Variants in NDUFAF5 observed in about 807,000 individuals in gnomAD.
NDUFAF5 encodes the protein NADH:ubiquinone oxidoreductase complex assembly factor 5.
NDUFAF5 carries 34 observed loss-of-function variants against 48.9 expected under a neutral mutation model. The ratio of observed to expected loss-of-function variants is 0.70; its 90% CI spans 0.53 to 0.93. The LOEUF (loss-of-function observed/expected upper bound fraction) is 0.93, where lower values mean the gene tolerates loss of function less well. Among genes scored for constraint, NDUFAF5 ranks in the 40% least tolerant of loss-of-function variants. The pLI is 0.00. For missense variants in NDUFAF5, 428 were observed against 427.5 expected (o/e 1.00, Z -0.01); for synonymous variants, 153 against 150.6 (o/e 1.02, Z -0.12).
At chr20:13,793,020 ATG>A in intron 3 of NDUFAF5, 158 bp from the exon 4 acceptor site, 1 of 728,920 alleles carries the variant, frequency 1.4e-6, no homozygotes, top group South Asian at 1.6e-5. Flanking sequence ...AGCAAAGGAT[ATG>A]TGTTATTAAA....
intron 5 of NDUFAF5, among the ~76,000 whole-genome samples, chr20:13,795,363 G>A (rs1983026733): frequency 6.6e-6 from 1 of 151,892 alleles, no homozygotes; most frequent in Non-Finnish European, 1.5e-5. Flanking sequence ...AGCAAGTTGG[G>A]GGAAAAAAAA....
In NDUFAF5 at chr20:13,817,274, AATT is replaced by A; in HGVS notation, c.*70_*72del. The stretch of plus-strand genomic sequence containing the variant: ...AGAAATGGATAGCTTTAACATCTAA[AATT>A]ATTATATTTTGAAGCAAGAAGCACT... On this transcript the variant is annotated 3_prime_UTR_variant, in exon 11 of 11. Coordinates refer to ENST00000378106, the MANE Select transcript of NDUFAF5 (RefSeq NM_024120.5). 8.1e-7 allele frequency: 1 copy of A among 1,234,378 alleles called. No homozygotes were observed. The highest frequency in any genetic ancestry group is 1.2e-6 in the Non-Finnish European group (1 of 833,818). The allele number at this position is 1,234,378 out of a possible 1,614,324, so 76.5% of individuals were successfully genotyped here.
chr20:13,811,497 T>G (rs915725228), intron 8 of NDUFAF5, among the ~76,000 whole-genome samples: 1 of 152,034 alleles, frequency 6.6e-6, no homozygotes, highest in Non-Finnish European at 1.5e-5. Flanking sequence ...CTGAGCCAAG[T>G]GCCAAACCTT....
chr20:13,812,772 T>A (rs529227241), intron 8 of NDUFAF5, among the ~76,000 whole-genome samples: 1 of 152,232 alleles, frequency 6.6e-6, no homozygotes, highest in Non-Finnish European at 1.5e-5. Context: ...ATATTTGATA[T>A]GTATGTGATT....
Position 13,817,508 on chromosome 20 carries a change from C to T in NDUFAF5, c.*298C>T. On this transcript the variant is annotated 3_prime_UTR_variant, in exon 11 of 11. Coordinates refer to ENST00000378106, the MANE Select transcript of NDUFAF5 (RefSeq NM_024120.5). The stretch of plus-strand genomic sequence containing the variant: ...TGTAAATGCCTTGGAAAATATTACT[C>T]ATGCTGACCTTTTACACCTTTTTCA... The T allele has an allele frequency of 1.9e-6, 1 of 514,540 alleles. No homozygotes were observed. Among genetic ancestry groups the T allele is most frequent in the South Asian group, 1.5e-5 (1 of 65,054 alleles). 31.9% of individuals were successfully genotyped at this position (514,540 alleles called of 1,614,324 possible).
At chr20:13,813,640 A>G (rs1386381079) in intron 8 of NDUFAF5, among the ~76,000 whole-genome samples, 1 of 152,220 alleles carries the variant, frequency 6.6e-6, no homozygotes, top group African/African-American at 2.4e-5. Flanking sequence ...ACAAGGAGAA[A>G]CACAGGAGGA....
intron 3 of NDUFAF5, among the ~76,000 whole-genome samples, chr20:13,791,455 A>G (rs987989393): frequency 6.6e-6 from 1 of 152,240 alleles, no homozygotes; most frequent in Admixed American, 6.5e-5. Context: ...TTCAGAAGTG[A>G]CAATTGAAGC....
At chr20:13,800,797 C>T (rs1437043497) in intron 6 of NDUFAF5, among the ~76,000 whole-genome samples, 1 of 152,114 alleles carries the variant, frequency 6.6e-6, no homozygotes, top group African/African-American at 2.4e-5. Context: ...TGGCTTGGCT[C>T]ATCTGTGTGT....
intron 3 of NDUFAF5, among the ~76,000 whole-genome samples, chr20:13,789,429 C>T (rs4814259): frequency 0.97 from 148,290 of 152,196 alleles, 72,348 homozygotes; most frequent in East Asian, 1. Flanking sequence ...CATCCCAAAG[C>T]GCTGGGATGA....
intron 8 of NDUFAF5, among the ~76,000 whole-genome samples, chr20:13,809,186 A>G (rs1985504854): frequency 6.6e-6 from 1 of 152,236 alleles, no homozygotes. Flanking sequence ...GGCTGTTTGT[A>G]AAAAGATGGC....
rs77013371 is a variant in NDUFAF5, at chr20:13,789,514, T to C, written c.327+862T>C. On this transcript the variant is annotated intron_variant, in intron 3 of 10. Transcript: ENST00000378106. ...TTTTTGAGACAGAGTCTCGCTCTGTTGCCCAGGCTGGAGTGCAGTGGTGCA... is the reference window on the plus strand; with the variant it reads ...TTTTTGAGACAGAGTCTCGCTCTGTCGCCCAGGCTGGAGTGCAGTGGTGCA... Among the ~76,000 whole-genome samples the C allele has an allele frequency of 5.7e-4, 86 of 151,266 alleles. 1 individual carries two copies. Among genetic ancestry groups the C allele is most frequent in the South Asian group, 1.0e-3 (5 of 4,764 alleles).
In NDUFAF5 at chr20:13,818,485, A is replaced by G. The variant is rs1986755956; in HGVS notation, c.*1275A>G. The G allele has an allele frequency of 2.9e-6, 1 of 341,162 alleles. No homozygotes were observed. Among genetic ancestry groups the G allele is most frequent in the African/African-American group, 2.2e-5 (1 of 45,440 alleles). 21.1% of individuals were successfully genotyped at this position (341,162 alleles called of 1,614,324 possible). ...CTTAATTTTCAGAACTTGAAGAGAG[A>G]GAACAACAACAAAAAACAAACTGCG... On this transcript the variant is annotated 3_prime_UTR_variant, in exon 11 of 11. Coordinates refer to ENST00000378106, the MANE Select transcript of NDUFAF5 (RefSeq NM_024120.5).
intron 8 of NDUFAF5, among the ~76,000 whole-genome samples, chr20:13,812,391 C>A (rs187313058): frequency 6.6e-6 from 1 of 152,298 alleles, no homozygotes; most frequent in Non-Finnish European, 1.5e-5. Flanking sequence ...CTGATGTAAT[C>A]AAGGAGCCAC....
intron 7 of NDUFAF5, among the ~76,000 whole-genome samples, chr20:13,802,785 CT>C: frequency 6.6e-6 from 1 of 151,958 alleles, no homozygotes; most frequent in Non-Finnish European, 1.5e-5. Context: ...CTGCCTTCCT[CT>C]TTCCCCATCA....
Position 13,798,467 on chromosome 20 carries a change from T to C in NDUFAF5, c.486T>C (p.His162=), listed in dbSNP as rs2273317. The change falls in exon 6 of 11, where the codon CAT becomes CAC. Residue 162 remains histidine (H), a synonymous_variant. Coordinates refer to ENST00000378106, the MANE Select transcript of NDUFAF5 (RefSeq NM_024120.5). The stretch of plus-strand genomic sequence containing the variant: ...CTGTATTCTCATATTTTAGTTTGCA[T>C]TGGGTGAATGACCTTCCTAGAGCAC... ...FDLVVSSLSL[H]WVNDLPRALE... is the part of the protein sequence containing the mutation. 8.9e-3 allele frequency: 14,254 copies of C among 1,610,520 alleles called. 893 individuals carry two copies. In the East Asian group the frequency reaches 0.17, roughly 19 times the overall value.
Position 13,801,487 on chromosome 20 carries a change from T to G in NDUFAF5, c.521T>G (p.Ile174Ser). The G allele has an allele frequency of 6.3e-7, 1 of 1,598,146 alleles. No homozygotes were observed. Among genetic ancestry groups the G allele is most frequent in the Non-Finnish European group, 8.6e-7 (1 of 1,168,170 alleles). Residue 174 changes from isoleucine (I) to serine (S), a missense_variant and splice_region_variant, in exon 7 of 11, where the codon ATT (isoleucine) becomes AGT (serine). Coordinates refer to ENST00000378106, the MANE Select transcript of NDUFAF5 (RefSeq NM_024120.5). The stretch of plus-strand genomic sequence containing the variant: ...TTTGTTTTCTTGTATTTATTACAGA[T>G]TCATTATATTTTAAAACCAGATGGA... ...VNDLPRALEQ[I>S]HYILKPDGVF... is the part of the protein sequence containing the mutation.
At chr20:13,785,333 A>C (rs766896259) in intron 1 of NDUFAF5, 43 bp downstream of exon 1, 743 of 1,291,652 alleles carry the variant, frequency 5.8e-4, no homozygotes, top group Non-Finnish European at 7.3e-4. Context: ...GGCGACGCGG[A>C]GGCTTGTTTT....
Position 13,794,892 on chromosome 20 carries a change from T to C in NDUFAF5, c.430T>C (p.Phe144Leu). The change falls in exon 5 of 11, where the codon TTC (phenylalanine) becomes CTC (leucine). Residue 144 changes from phenylalanine (F) to leucine (L), a missense_variant. By Grantham distance (22) the Phe-to-Leu change is conservative (BLOSUM62 0). Transcript: ENST00000378106. ...PTVSVLADEE[F>L]LPFKENTFDL... ...TGTCAGCGTTTTAGCTGATGAAGAA[T>C]TCCTTCCCTTCAAAGAAAATACATT... is the stretch of plus-strand genomic sequence containing the variant. The C allele has an allele frequency of 6.2e-7, 1 of 1,613,848 alleles. No individual in the cohort carries two copies.
chr20:13,798,098 T>C (rs62209207), intron 5 of NDUFAF5, among the ~76,000 whole-genome samples: 29,289 of 152,168 alleles, frequency 0.19, 3,039 homozygotes, highest in Non-Finnish European at 0.24. Context: ...TGAGCTTCTT[T>C]GAGCATTTTT....
Sources: gnomAD v4.1 joint callset for allele counts (sites outside exome capture counted in the v4.1 genomes callset) on GRCh38, gnomAD v4.1.1 for gene constraint, MANE v1.5 for transcripts, NCBI Gene and HGNC (gene_info 2026-07-23, HGNC 2026-07-21) for gene names.